ERG: variants seen among roughly 807,000 people sequenced by gnomAD.
The protein encoded by ERG is transcriptional regulator ERG.
In ERG, 9 loss-of-function variants were observed where a neutral mutation model predicts 55.3. The observed-to-expected ratio is 0.16, with a 90% CI of 0.10 to 0.28. ERG has a LOEUF of 0.28. ERG is among the 10% of genes least tolerant of loss of function. ERG has a pLI of 1.00. For missense variants in ERG, 434 were observed against 631.6 expected, an observed-to-expected ratio of 0.69 and a Z score of 3.35; for synonymous variants, 223 against 237.3, an observed-to-expected ratio of 0.94 and a Z score of 0.55.
rs2059027301 is a variant in ERG at position 38,460,094 on chromosome 21, C to T, written c.19-14473G>A. 1.3e-5 allele frequency among the ~76,000 whole-genome samples: 2 copies of T among 152,106 alleles called. No homozygotes were observed. Among genetic ancestry groups the T allele is most frequent in the South Asian group, 4.1e-4 (2 of 4,828 alleles). ...ACGCGAAGGAGGGGAGGGTGTGAGC[C>T]CCCATGCATTCATGAAGAATAGGCC... On this transcript the variant is annotated intron_variant, in intron 1 of 9. Coordinates refer to ENST00000288319, the MANE Select transcript of ERG (RefSeq NM_182918.4). This position sits in a 1 kb window ranked among gnomAD's most constrained non-coding sequence, Gnocchi z 5.0.
intron 1 of ERG, among the ~76,000 whole-genome samples, chr21:38,468,982 C>CAAAAAAAA (rs1261630693): frequency 0.024 from 699 of 28,800 alleles, 44 homozygotes; most frequent in Non-Finnish European, 0.038. Flanking sequence ...GACTCTGTCT[C>CAAAAAAAA]AAAAAAAAAA....
intron 1 of ERG, chr21:38,660,659 G>C (rs2060548199): frequency 6.6e-6 from 1 of 151,984 alleles, no homozygotes. Flanking sequence ...CGGCGCCGAC[G>C]GGCTCAGCCC....
chr21:38,438,351 G>A (rs1394901992), intron 2 of ERG, among the ~76,000 whole-genome samples: 6 of 152,110 alleles, frequency 3.9e-5, no homozygotes, highest in African/African-American at 9.7e-5. Context: ...ACTTAGTGAG[G>A]CAAAACTTTT....
At chr21:38,630,541 G>A (rs2060350746) in intron 1 of ERG, among the ~76,000 whole-genome samples, 4 of 152,222 alleles carry the variant, frequency 2.6e-5, no homozygotes, top group Admixed American at 2.6e-4. Flanking sequence ...GTGGCACACA[G>A]TCCTTCCATT....
chr21:38,417,506 A>G (rs1015504711), intron 3 of ERG, among the ~76,000 whole-genome samples: 1 of 152,194 alleles, frequency 6.6e-6, no homozygotes, highest in Non-Finnish European at 1.5e-5. Context: ...ACAGAAAAAG[A>G]GGCCAGGCCC....
chr21:38,422,215 C>T (rs1194473571), intron 3 of ERG, among the ~76,000 whole-genome samples: 1 of 152,222 alleles, frequency 6.6e-6, no homozygotes, highest in East Asian at 1.9e-4. Context: ...ATGGAACTAC[C>T]TGGAATTAAG....
intron 2 of ERG, among the ~76,000 whole-genome samples, chr21:38,543,876 T>C (rs984173516): frequency 2.7e-4 from 41 of 152,012 alleles, no homozygotes; most frequent in Admixed American, 2.2e-3. Flanking sequence ...AGCTGGGACT[T>C]CAGGCATGCA....
rs11910168 is a variant in ERG at position 38,456,667 on chromosome 21, C to T, written c.19-11046G>A. ...ACACAGACGTTTTCTTTTTCTTAGACGCTGACTTACGTAGAAAGAGTTAGT... is the reference window on the plus strand; with the variant it reads ...ACACAGACGTTTTCTTTTTCTTAGATGCTGACTTACGTAGAAAGAGTTAGT... On this transcript the variant is annotated intron_variant, in intron 1 of 9. Transcript: ENST00000288319. 3.4e-3 allele frequency among the ~76,000 whole-genome samples: 516 copies of T among 152,266 alleles called. 6 individuals are homozygous for T. The highest frequency in any genetic ancestry group is 0.011 in the African/African-American group (476 of 41,550).
chr21:38,481,401 C>A (rs1212616779), intron 1 of ERG, among the ~76,000 whole-genome samples: 1 of 152,088 alleles, frequency 6.6e-6, no homozygotes, highest in Non-Finnish European at 1.5e-5. Flanking sequence ...AAACAGTCCA[C>A]TAAAAATCTT....
chr21:38,459,750 C>A (rs1267035523), intron 1 of ERG, among the ~76,000 whole-genome samples: 4 of 152,176 alleles, frequency 2.6e-5, no homozygotes, highest in Non-Finnish European at 5.9e-5. Context: ...ATAAGTTCAA[C>A]AAATATGTAC....
At chr21:38,457,410 T>C (rs965862570) in intron 1 of ERG, among the ~76,000 whole-genome samples, 1 of 148,640 alleles carries the variant, frequency 6.7e-6, no homozygotes. Context: ...CACTCTGGCC[T>C]GGGCGAAAGA....
chr21:38,443,290 C>T (rs1044571421), intron 2 of ERG, among the ~76,000 whole-genome samples: 4 of 152,196 alleles, frequency 2.6e-5, no homozygotes, highest in African/African-American at 7.2e-5. Context: ...TGTTGTCCAT[C>T]GGAAATCATC....
chr21:38,491,653 C>T (rs1448271105), intron 1 of ERG, among the ~76,000 whole-genome samples: 2 of 152,322 alleles, frequency 1.3e-5, no homozygotes, highest in East Asian at 1.9e-4. Flanking sequence ...CTGTGTACAA[C>T]AGCAGATTAC....
chr21:38,483,733 C>G (rs555574867), intron 1 of ERG, among the ~76,000 whole-genome samples: 1 of 152,076 alleles, frequency 6.6e-6, no homozygotes, highest in Non-Finnish European at 1.5e-5. Flanking sequence ...CATGGTGGCA[C>G]ACGTCTGTAG....
intron 1 of ERG, among the ~76,000 whole-genome samples, chr21:38,619,517 A>C (rs550421391): frequency 9.2e-5 from 14 of 152,266 alleles, no homozygotes; most frequent in African/African-American, 2.2e-4. Flanking sequence ...TAAAGACCCC[A>C]AAAAAATGGC....
intron 1 of ERG, among the ~76,000 whole-genome samples, chr21:38,637,804 G>A (rs1318205887): frequency 6.6e-6 from 1 of 150,774 alleles, no homozygotes; most frequent in Non-Finnish European, 1.5e-5. Flanking sequence ...CTCTTCACAA[G>A]TTCTTTTTCT....
At chr21:38,514,519 A>G (rs941615823) in intron 2 of ERG, among the ~76,000 whole-genome samples, 2 of 151,964 alleles carry the variant, frequency 1.3e-5, no homozygotes, top group African/African-American at 4.8e-5. Flanking sequence ...AAAAGAAGAA[A>G]AGCACTTAAT....
At chr21:38,400,158 T>G (rs1337028609) in intron 6 of ERG, 2 of 405,054 alleles carry the variant, frequency 4.9e-6, no homozygotes, top group Non-Finnish European at 9.5e-6. Context: ...TACTACTGGT[T>G]GCATGCTTCT....
intron 2 of ERG, among the ~76,000 whole-genome samples, chr21:38,553,443 G>T (rs1287137581): frequency 1.3e-5 from 2 of 152,064 alleles, no homozygotes; most frequent in African/African-American, 4.8e-5. Context: ...ATGCCATAAG[G>T]CCACAGTAAC....
Sources: allele counts gnomAD v4.1 joint callset (sites outside exome capture counted in the v4.1 genomes callset), GRCh38; gene constraint gnomAD v4.1.1; non-coding constraint Gnocchi (gnomAD v3.1); transcripts MANE v1.5; gene names NCBI Gene and HGNC (gene_info 2026-07-23, HGNC 2026-07-21).